Variants in EPHB1 observed in about 807,000 individuals in gnomAD.
EPHB1 encodes EPH receptor B1.
A neutral mutation model predicts 94.4 loss-of-function variants in EPHB1; 30 were observed. That is an observed-to-expected ratio of 0.32 (90% CI 0.24 to 0.43). The LOEUF (loss-of-function observed/expected upper bound fraction) is 0.43, where lower values mean the gene tolerates loss of function less well. EPHB1 is among the 20% of genes least tolerant of loss of function. EPHB1 has a pLI of 1.00. For missense variants in EPHB1, 1,055 were observed against 1,308.3 expected (o/e 0.81, Z 2.99); for synonymous variants, 522 against 489.1 (o/e 1.07, Z -0.89).
chr3:134,876,251 C>T (rs1349741320), intron 1 of EPHB1, among the ~76,000 whole-genome samples: 1 of 152,208 alleles, frequency 6.6e-6, no homozygotes, highest in East Asian at 1.9e-4. Context: ...CAGGCTGATG[C>T]TGGCCTCCCC....
intron 3 of EPHB1, among the ~76,000 whole-genome samples, chr3:134,964,194 C>T (rs1318239300): frequency 6.6e-6 from 1 of 152,196 alleles, no homozygotes; most frequent in Admixed American, 6.5e-5. Context: ...ATCCCAGCAG[C>T]ATTGAGTAGA....
chr3:134,987,548 A>G (rs1934643065), intron 3 of EPHB1, among the ~76,000 whole-genome samples: 1 of 152,170 alleles, frequency 6.6e-6, no homozygotes, highest in African/African-American at 2.4e-5. Context: ...TCACGAGGTC[A>G]GGAGATCGAG....
intron 1 of EPHB1, among the ~76,000 whole-genome samples, chr3:134,822,094 T>C (rs2036392885): frequency 1.3e-5 from 2 of 152,230 alleles, no homozygotes; most frequent in Admixed American, 1.3e-4. Context: ...CTCTGCTTCA[T>C]ATCTAATGCT....
At chr3:135,074,435 T>C (rs1373549824) in intron 3 of EPHB1, among the ~76,000 whole-genome samples, 1 of 152,196 alleles carries the variant, frequency 6.6e-6, no homozygotes, top group Non-Finnish European at 1.5e-5. Context: ...TAAGGAAAAA[T>C]GTTGTATGAT....
chr3:134,806,928 T>C (rs2036073377), intron 1 of EPHB1, among the ~76,000 whole-genome samples: 1 of 152,134 alleles, frequency 6.6e-6, no homozygotes, highest in Non-Finnish European at 1.5e-5. Flanking sequence ...CTTGGACAAC[T>C]TAAAACGGGG....
In EPHB1 at chr3:135,113,061, G is replaced by A. The variant is rs964691253; in HGVS notation, c.961+6458G>A. ...TAAAAAATACATTTGTGTTTTTGAAGGGGAGGTAGTCTGTGTTCTCCTTGA... is the reference window on the plus strand; with the variant it reads ...TAAAAAATACATTTGTGTTTTTGAAAGGGAGGTAGTCTGTGTTCTCCTTGA... On this transcript the variant is annotated intron_variant, in intron 4 of 15. Coordinates refer to ENST00000398015, the MANE Select transcript of EPHB1 (RefSeq NM_004441.5). Among the ~76,000 whole-genome samples, 77 of 152,202 alleles carry A rather than the reference G, an allele frequency of 5.1e-4. 1 individual carries two copies. Among genetic ancestry groups the A allele is most frequent in the Admixed American group, 5.0e-3 (77 of 15,288 alleles).
chr3:134,865,654 T>A (rs75186595), intron 1 of EPHB1, among the ~76,000 whole-genome samples: 4,865 of 142,294 alleles, frequency 0.034, 259 homozygotes, highest in African/African-American at 0.12. Flanking sequence ...GCAGCTGTTT[T>A]AAAAAAAAAA....
chr3:134,848,263 G>T (rs1366538622), intron 1 of EPHB1, among the ~76,000 whole-genome samples: 1 of 152,186 alleles, frequency 6.6e-6, no homozygotes, highest in Non-Finnish European at 1.5e-5. Context: ...CAGAGAGGTT[G>T]GTTCTGGGAC....
At chr3:135,234,893 C>T (rs755472813) in intron 12 of EPHB1, among the ~76,000 whole-genome samples, 1 of 152,204 alleles carries the variant, frequency 6.6e-6, no homozygotes, top group African/African-American at 2.4e-5. Context: ...AGGGGAACTA[C>T]AATTCAAGAT....
chr3:135,240,537 T>G (rs1943756110), intron 12 of EPHB1, among the ~76,000 whole-genome samples: 1 of 152,152 alleles, frequency 6.6e-6, no homozygotes, highest in African/African-American at 2.4e-5. Flanking sequence ...ACAGCCAGCA[T>G]GTAGAAAGAC....
chr3:134,976,378 C>T (rs778679751), intron 3 of EPHB1, among the ~76,000 whole-genome samples: 94 of 152,208 alleles, frequency 6.2e-4, no homozygotes, highest in Non-Finnish European at 1.1e-3. Context: ...TCAATAAAGG[C>T]AGCACTGGGC....
chr3:134,986,362 C>T (rs1934595622), intron 3 of EPHB1, among the ~76,000 whole-genome samples: 1 of 152,176 alleles, frequency 6.6e-6, no homozygotes, highest in Non-Finnish European at 1.5e-5. Flanking sequence ...TCAAATGCAG[C>T]GTGGCATAGA....
rs546263209 is a variant in EPHB1, at chr3:134,834,428, G to A, written c.58+38739G>A. Among the ~76,000 whole-genome samples the A allele has an allele frequency of 1.2e-3, 175 of 152,012 alleles. 1 individual carries two copies. Among genetic ancestry groups the A allele is most frequent in the Non-Finnish European group, 2.2e-3 (148 of 67,962 alleles). Reference sequence around the variant, plus strand: ...CACACAAAACAAACTCCTGACTCTGGATAGTCTTTTGGAATATGACTGCTG... The same window carrying A: ...CACACAAAACAAACTCCTGACTCTGAATAGTCTTTTGGAATATGACTGCTG... On this transcript the variant is annotated intron_variant, in intron 1 of 15. Transcript: ENST00000398015.
intron 12 of EPHB1, among the ~76,000 whole-genome samples, chr3:135,218,790 T>C (rs964059225): frequency 6.6e-6 from 1 of 152,254 alleles, no homozygotes; most frequent in African/African-American, 2.4e-5. Context: ...AAACAACTAA[T>C]TATGCAAGTA....
chr3:134,895,020 G>A (rs1456517201), intron 1 of EPHB1, among the ~76,000 whole-genome samples: 1 of 152,224 alleles, frequency 6.6e-6, no homozygotes, highest in Non-Finnish European at 1.5e-5. Flanking sequence ...CTTCTGCATT[G>A]AAACAGGCTT....
In EPHB1 at chr3:135,076,234, G is replaced by GATATATATAT. The variant is rs60727518; in HGVS notation, c.806-30196_806-30187dup. ...TTTGTATATCATTTATCTGAAAAGG[G>GATATATATAT]ATATATATATATATATATATATATA... On this transcript the variant is annotated intron_variant, in intron 3 of 15. Coordinates refer to ENST00000398015, the MANE Select transcript of EPHB1 (RefSeq NM_004441.5). Among the ~76,000 whole-genome samples, 1,282 of 131,012 alleles carry GATATATATAT rather than the reference G, an allele frequency of 9.8e-3. 13 individuals are homozygous for GATATATATAT. Among genetic ancestry groups the GATATATATAT allele is most frequent in the African/African-American group, 0.026 (702 of 26,924 alleles). 85.9% of individuals were successfully genotyped at this position (131,012 alleles called of 152,430 possible). A position where few individuals can be genotyped will look rare whatever the true frequency, so the allele number is the denominator to read the frequency against.
chr3:135,024,801 T>G (rs1054469548), intron 3 of EPHB1, among the ~76,000 whole-genome samples: 1 of 152,228 alleles, frequency 6.6e-6, no homozygotes, highest in African/African-American at 2.4e-5. Context: ...CTCCCATTTT[T>G]TGAATTATAT....
intron 1 of EPHB1, among the ~76,000 whole-genome samples, chr3:134,861,858 G>C (rs2037267681): frequency 6.6e-6 from 1 of 152,004 alleles, no homozygotes; most frequent in African/African-American, 2.4e-5. Context: ...TCCTTCACAT[G>C]TATCCTGGAA....
intron 3 of EPHB1, among the ~76,000 whole-genome samples, chr3:135,048,754 A>C (rs1240292765): frequency 6.6e-6 from 1 of 152,236 alleles, no homozygotes; most frequent in African/African-American, 2.4e-5. Flanking sequence ...ACTAGGGCTG[A>C]GTGGACTTTG....
Sources: allele counts gnomAD v4.1 joint callset (sites outside exome capture counted in the v4.1 genomes callset), GRCh38; gene constraint gnomAD v4.1.1; transcripts MANE v1.5; gene names NCBI Gene and HGNC (gene_info 2026-07-23, HGNC 2026-07-21).